Variants in SPATA6 observed in about 807,000 individuals in gnomAD.
SPATA6 encodes the protein spermatogenesis-associated protein 6.
Under a neutral mutation model 65.3 loss-of-function variants are expected in SPATA6, and 56 were observed. That is an observed-to-expected ratio of 0.86 (90% CI 0.69 to 1.07). The LOEUF is 1.07. Among genes scored for constraint, SPATA6 ranks in the 50% least tolerant of loss-of-function variants. SPATA6 has a pLI of 0.00. For missense variants in SPATA6, 590 were observed against 594.8 expected, an observed-to-expected ratio of 0.99 and a Z score of 0.08; for synonymous variants, 199 against 213.2, an observed-to-expected ratio of 0.93 and a Z score of 0.58.
At chr1:48,465,518 A>C (rs2148198169) in intron 1 of SPATA6, among the ~76,000 whole-genome samples, 1 of 152,296 alleles carries the variant, frequency 6.6e-6, no homozygotes, top group South Asian at 2.1e-4. Context: ...TTTTACAGAA[A>C]ATATTTTCAA....
At chr1:48,319,501 T>C (rs980304544) in intron 11 of SPATA6, among the ~76,000 whole-genome samples, 1 of 152,038 alleles carries the variant, frequency 6.6e-6, no homozygotes, top group African/African-American at 2.4e-5. Context: ...TTCAAGTAGA[T>C]TGTCTAAGAG....
intron 3 of SPATA6, among the ~76,000 whole-genome samples, chr1:48,431,125 T>C (rs1394665209): frequency 5.3e-5 from 8 of 152,012 alleles, no homozygotes; most frequent in Admixed American, 3.3e-4. Flanking sequence ...GTGGTTATAC[T>C]AATATCAGAC....
intron 3 of SPATA6, among the ~76,000 whole-genome samples, chr1:48,442,522 GGA>G (rs1655593263): frequency 1.3e-5 from 2 of 151,544 alleles, no homozygotes; most frequent in Non-Finnish European, 2.9e-5. Flanking sequence ...CCAGCAGAAA[GGA>G]GAGAGAAAGG....
At position 48,403,853 on chromosome 1, in the gene SPATA6, C is replaced by A; in HGVS notation, c.435G>T (p.Thr145=). 6.2e-7 allele frequency: 1 copy of A among 1,608,914 alleles called. No individual in the cohort carries two copies. The highest frequency in any genetic ancestry group is 8.5e-7 in the Non-Finnish European group (1 of 1,177,858). ...TCAGACATTCAGTAATCACTGAAGT[C>A]GTAGAAAATTCCAGCCTTGGAGCAT... ...RGNAPRLEFS[T]TSVITECLIS... is the part of the protein sequence containing the mutation. Residue 145 remains threonine, a synonymous_variant, in exon 6 of 13, where the codon ACG becomes ACT. Transcript: ENST00000371847.
Position 48,437,243 on chromosome 1 carries a change from G to A in SPATA6, c.238+14309C>T. On this transcript the variant is annotated intron_variant, in intron 3 of 12. Transcript: ENST00000371847. ...TTCTAGGGCTGCCAAATCATTTCAT[G>A]TCCTATATACTTGACACTTTCTCCT... 2.5e-6 allele frequency: 4 copies of A among 1,611,732 alleles called. No individual in the cohort carries two copies. The South Asian group carries it at 3.3e-5, about 13-fold the overall frequency.
intron 11 of SPATA6, among the ~76,000 whole-genome samples, chr1:48,313,983 A>G (rs927145986): frequency 6.6e-6 from 1 of 152,244 alleles, no homozygotes; most frequent in Non-Finnish European, 1.5e-5. Flanking sequence ...TTCAACAAGA[A>G]GAGCTAACTA....
chr1:48,271,894 T>C, the SPATA6 span, among the ~76,000 whole-genome samples: 1 of 152,152 alleles, frequency 6.6e-6, no homozygotes, highest in Non-Finnish European at 1.5e-5. Context: ...GATATTGTAC[T>C]GTAATTGTTG....
chr1:48,283,510 C>G, the SPATA6 span, among the ~76,000 whole-genome samples: 11 of 150,266 alleles, frequency 7.3e-5, no homozygotes, highest in Non-Finnish European at 1.2e-4. Flanking sequence ...GAATCCTCAT[C>G]TCTACTAAAA....
Position 48,395,270 on chromosome 1 carries a change from TG to T in SPATA6, c.864del (p.His288GlnfsTer30). ...ATAAAGACAACTTCTAGCTTACCAT[TG>T]TGCACCCTTGACCATCCATCTCTTT... ...DCERDGWSRVHNDHSHLGCCR... is the reference protein window; with the variant it reads ...DCERDGWSRVXNDHSHLGCCR... On this transcript the variant is annotated frameshift_variant, in exon 8 of 13. Transcript: ENST00000371847. LOFTEE classifies it high-confidence loss of function. The T allele has an allele frequency of 6.4e-7, 1 of 1,554,908 alleles. No individual in the cohort carries two copies. The highest frequency in any genetic ancestry group is 8.7e-7 in the Non-Finnish European group (1 of 1,147,666).
chr1:48,303,186 A>T (rs1200288768), intron 12 of SPATA6, among the ~76,000 whole-genome samples: 1 of 152,166 alleles, frequency 6.6e-6, no homozygotes, highest in Admixed American at 6.6e-5. Context: ...GGTACATATG[A>T]TATTTTGATG....
Position 48,354,471 on chromosome 1 carries a change from C to G in SPATA6, c.1194+1199G>C, listed in dbSNP as rs992530254. Among the ~76,000 whole-genome samples the G allele has an allele frequency of 4.6e-5, 7 of 152,086 alleles. No individual in the cohort carries two copies. The South Asian group carries it at 1.5e-3, about 32-fold the overall frequency. On this transcript the variant is annotated intron_variant, in intron 11 of 12. Transcript: ENST00000371847. ...GCTCTGTAATAGCCCAAACCCAAAA[C>G]AAACCAAATGCGCACCAATGGAGGA...
At chr1:48,371,762 G>A (rs1227197054) in intron 9 of SPATA6, among the ~76,000 whole-genome samples, 1 of 152,180 alleles carries the variant, frequency 6.6e-6, no homozygotes, top group Non-Finnish European at 1.5e-5. Context: ...AGAAAATGAG[G>A]TTTAATTAGA....
intron 11 of SPATA6, among the ~76,000 whole-genome samples, chr1:48,341,312 A>G (rs1203563318): frequency 6.6e-6 from 1 of 152,212 alleles, no homozygotes; most frequent in African/African-American, 2.4e-5. Context: ...GTAGCCTAAA[A>G]AATATTAAAT....
intron 12 of SPATA6, among the ~76,000 whole-genome samples, chr1:48,301,493 C>CAAT (rs1371160468): frequency 1.3e-5 from 2 of 150,604 alleles, no homozygotes; most frequent in Non-Finnish European, 3.0e-5. Flanking sequence ...TTCTACACAG[C>CAAT]AATAATAATA....
chr1:48,337,586 C>T (rs567889926), intron 11 of SPATA6, among the ~76,000 whole-genome samples: 11 of 151,858 alleles, frequency 7.2e-5, no homozygotes, highest in African/African-American at 2.6e-4. Flanking sequence ...TCATTATTTA[C>T]AGATTATATT....
chr1:48,311,410 T>G (rs774292372), intron 11 of SPATA6, among the ~76,000 whole-genome samples: 6 of 152,186 alleles, frequency 3.9e-5, no homozygotes, highest in African/African-American at 1.4e-4. Flanking sequence ...CATGAAATAA[T>G]TGTAAACCAA....
In SPATA6 at chr1:48,452,511, G is replaced by C. The variant is rs1656664065; in HGVS notation, c.189+483C>G. Among the ~76,000 whole-genome samples, 3 of 151,900 alleles carry C rather than the reference G, an allele frequency of 2.0e-5. No individual in the cohort carries two copies. In the South Asian group the frequency reaches 6.2e-4, roughly 32 times the overall value. On this transcript the variant is annotated intron_variant, in intron 2 of 12. Coordinates refer to ENST00000371847, the MANE Select transcript of SPATA6 (RefSeq NM_019073.4). Reference sequence around the variant, plus strand: ...CAATTCTCCTGCCTCAGCCTCCCGAGTAAGTGGGATTATAGGCAGGTGCCA... The same window carrying C: ...CAATTCTCCTGCCTCAGCCTCCCGACTAAGTGGGATTATAGGCAGGTGCCA...
intron 7 of SPATA6, 29 bp from the exon 8 acceptor site, chr1:48,395,383 G>T: frequency 6.7e-7 from 1 of 1,492,500 alleles, no homozygotes; most frequent in African/African-American, 1.4e-5. Context: ...TTATGTAAAA[G>T]AGAGTTTAAA....
At chr1:48,408,606 A>G (rs1031068029) in intron 5 of SPATA6, among the ~76,000 whole-genome samples, 25 of 152,194 alleles carry the variant, frequency 1.6e-4, no homozygotes, top group African/African-American at 5.8e-4. Flanking sequence ...CATCTTTAAG[A>G]TAGATATTGT....
Sources: gnomAD v4.1 joint callset for allele counts (sites outside exome capture counted in the v4.1 genomes callset) on GRCh38, gnomAD v4.1.1 for gene constraint, MANE v1.5 for transcripts, NCBI Gene and HGNC (gene_info 2026-07-23, HGNC 2026-07-21) for gene names.